The following ZNF804A variants were observed in gnomAD, a reference collection of about 807,000 sequenced individuals.
The protein encoded by ZNF804A is zinc finger protein 804A.
In ZNF804A, 2 loss-of-function variants were observed where a neutral mutation model predicts 16.5. The ratio of observed to expected loss-of-function variants is 0.12; its 90% CI spans 0.05 to 0.38. ZNF804A has a LOEUF of 0.38. Ranked by LOEUF, ZNF804A falls within the 10% of genes least tolerant of loss-of-function variation. The pLI, the probability that ZNF804A is intolerant of heterozygous loss-of-function variation, is 0.99. For synonymous variants in ZNF804A, 534 were observed against 489.6 expected (o/e 1.09, Z -1.20); for missense variants, 1,473 against 1,390.7 (o/e 1.06, Z -0.94).
intron 1 of ZNF804A, among the ~76,000 whole-genome samples, chr2:184,695,349 T>A (rs1234574760): frequency 6.6e-6 from 1 of 151,226 alleles, no homozygotes; most frequent in African/African-American, 2.4e-5. Context: ...TAGTCCCAGC[T>A]ACTCGGGAGG....
intron 1 of ZNF804A, among the ~76,000 whole-genome samples, chr2:184,715,284 G>C (rs757578734): frequency 6.6e-6 from 1 of 152,158 alleles, no homozygotes; most frequent in Non-Finnish European, 1.5e-5. Context: ...ATGAAGTTTA[G>C]TTAAAGTGCA....
At position 184,936,347 on chromosome 2, in the gene ZNF804A, G is replaced by A. The variant is rs1216850391; in HGVS notation, c.951G>A (p.Gln317=). ...CTTCATTTTGCAAGTTTCAACTTCA[G>A]TTATCTTCTGATGCAGATAATTGTC... ...LLPSFCKFQL[Q]LSSDADNCQN... is the part of the protein sequence containing the mutation. Residue 317 remains glutamine, a synonymous_variant, in exon 4 of 4, where the codon CAG becomes CAA. Transcript: ENST00000302277. 1.2e-6 allele frequency: 2 copies of A among 1,613,768 alleles called. No individual in the cohort carries two copies. Among genetic ancestry groups the A allele is most frequent in the African/African-American group, 2.7e-5 (2 of 74,914 alleles).
chr2:184,726,644 A>G (rs1400046944), intron 1 of ZNF804A, among the ~76,000 whole-genome samples: 1 of 151,674 alleles, frequency 6.6e-6, no homozygotes, highest in African/African-American at 2.4e-5. Flanking sequence ...AAAAACAGTC[A>G]AACTAGCCAG....
Position 184,936,120 on chromosome 2 carries a change from G to C in ZNF804A, c.724G>C (p.Val242Leu). The stretch of plus-strand genomic sequence containing the variant: ...CTCTGAATACAGTGATGATGCCTCA[G>C]TGGGAAAAGGATTTAGCAGAAAAAG... ...AFSEYSDDASVGKGFSRKSRF... is the reference protein window; with the variant it reads ...AFSEYSDDASLGKGFSRKSRF... The change falls in exon 4 of 4, where the codon GTG becomes CTG. Residue 242 changes from valine to leucine, a missense_variant. Physicochemically the swap from Val to Leu is conservative, Grantham distance 32. Coordinates refer to ENST00000302277, the MANE Select transcript of ZNF804A (RefSeq NM_194250.2). 4 of 1,614,066 alleles carry C rather than the reference G, an allele frequency of 2.5e-6. No homozygotes were observed. The highest frequency in any genetic ancestry group is 2.5e-6 in the Non-Finnish European group (3 of 1,179,962).
chr2:184,757,113 G>C (rs1178020469), intron 1 of ZNF804A, among the ~76,000 whole-genome samples: 2 of 151,934 alleles, frequency 1.3e-5, no homozygotes, highest in Non-Finnish European at 2.9e-5. Context: ...AACTCTTTCA[G>C]TTTCCAGAGC....
intron 1 of ZNF804A, among the ~76,000 whole-genome samples, chr2:184,806,406 T>C (rs967483753): frequency 6.6e-5 from 10 of 151,960 alleles, no homozygotes; most frequent in African/African-American, 2.4e-4. Flanking sequence ...TTAATTTGGA[T>C]ATAAACATTT....
intron 1 of ZNF804A, among the ~76,000 whole-genome samples, chr2:184,710,365 T>G (rs1693106369): frequency 6.6e-6 from 1 of 151,824 alleles, no homozygotes; most frequent in South Asian, 2.1e-4. Context: ...CATTCACTGT[T>G]GAATTGTTTG....
chr2:184,702,575 A>C (rs1015919992), intron 1 of ZNF804A, among the ~76,000 whole-genome samples: 11 of 152,088 alleles, frequency 7.2e-5, no homozygotes, highest in Non-Finnish European at 1.0e-4. Flanking sequence ...GAGTTCACTA[A>C]GCAAAATTTT....
Position 184,937,058 on chromosome 2 carries a change from G to A in ZNF804A, c.1662G>A (p.Lys554=). Residue 554 remains lysine (K), a synonymous_variant, in exon 4 of 4, where the codon AAG becomes AAA. Coordinates refer to ENST00000302277, the MANE Select transcript of ZNF804A (RefSeq NM_194250.2). The part of the protein sequence containing the change: ...TGQRYKNISC[K]IRETEKYNFT... ...AGAGGTATAAAAACATTTCCTGTAA[G>A]ATCAGAGAAACAGAAAAGTATAATT... is the stretch of plus-strand genomic sequence containing the variant. 1 of 1,604,300 alleles carries A rather than the reference G, an allele frequency of 6.2e-7. No individual in the cohort carries two copies.
intron 1 of ZNF804A, among the ~76,000 whole-genome samples, chr2:184,824,628 A>G (rs993007396): frequency 3.3e-5 from 5 of 152,098 alleles, no homozygotes; most frequent in African/African-American, 1.2e-4. Context: ...AAACTATCTC[A>G]TATTTGGTGG....
At chr2:184,606,549 A>G (rs1691148843) in intron 1 of ZNF804A, among the ~76,000 whole-genome samples, 1 of 152,152 alleles carries the variant, frequency 6.6e-6, no homozygotes, top group Non-Finnish European at 1.5e-5. Flanking sequence ...TCAAATTCTA[A>G]TGTAGGTATT....
At chr2:184,702,664 AT>A (rs1367524689) in intron 1 of ZNF804A, among the ~76,000 whole-genome samples, 2 of 152,086 alleles carry the variant, frequency 1.3e-5, no homozygotes, top group African/African-American at 2.4e-5. Context: ...AATAAATGTA[AT>A]GTCACTTTTC....
intron 1 of ZNF804A, among the ~76,000 whole-genome samples, chr2:184,717,561 A>G (rs1176018023): frequency 6.6e-6 from 1 of 152,208 alleles, no homozygotes; most frequent in Non-Finnish European, 1.5e-5. Context: ...CACAAGTAAG[A>G]TTCTCTTTTG....
At chr2:184,745,008 T>A (rs1428238535) in intron 1 of ZNF804A, among the ~76,000 whole-genome samples, 1 of 151,854 alleles carries the variant, frequency 6.6e-6, no homozygotes, top group Non-Finnish European at 1.5e-5. Flanking sequence ...AGGCAAGTTG[T>A]TCACATATCT....
intron 1 of ZNF804A, among the ~76,000 whole-genome samples, chr2:184,649,102 G>C: frequency 6.6e-6 from 1 of 152,012 alleles, no homozygotes; most frequent in East Asian, 1.9e-4. Context: ...AGATAGTAGA[G>C]TGAAAATAGA....
intron 2 of ZNF804A, among the ~76,000 whole-genome samples, chr2:184,870,500 T>A (rs1312415017): frequency 1.3e-5 from 2 of 151,992 alleles, no homozygotes; most frequent in African/African-American, 4.8e-5. Flanking sequence ...AAATCCAATA[T>A]TTTGATCTCA....
chr2:184,832,670 C>CT (rs1173393744), intron 1 of ZNF804A, among the ~76,000 whole-genome samples: 1 of 151,266 alleles, frequency 6.6e-6, no homozygotes, highest in Non-Finnish European at 1.5e-5. Flanking sequence ...TTTCCACTAT[C>CT]TTTTTCATCC....
rs114383418 is a variant in ZNF804A at position 184,822,155 on chromosome 2, A to T, written c.112-44214A>T. ...CTATTCACAATAGCAAAGATATGGA[A>T]TCATCCCAAATGCCCATCAATTGTA... On this transcript the variant is annotated intron_variant, in intron 1 of 3. Coordinates refer to ENST00000302277, the MANE Select transcript of ZNF804A (RefSeq NM_194250.2). Among the ~76,000 whole-genome samples the T allele has an allele frequency of 8.5e-3, 1,293 of 152,288 alleles. 7 individuals are homozygous for T. The highest frequency in any genetic ancestry group is 0.012 in the Non-Finnish European group (819 of 68,020).
chr2:184,938,489 G>A lies in ZNF804A; in HGVS notation c.3093G>A (p.Glu1031=), dbSNP rs756817537. The part of the protein sequence containing the change: ...EQILAPLALP[E]QALLIPLENH... ...TCCTGGCTCCATTAGCTTTACCAGA[G>A]CAAGCATTATTGATCCCACTAGAAA... Residue 1031 remains glutamate, a synonymous_variant, in exon 4 of 4, where the codon GAG becomes GAA. Coordinates refer to ENST00000302277, the MANE Select transcript of ZNF804A (RefSeq NM_194250.2). 2 of 1,614,028 alleles carry A rather than the reference G, an allele frequency of 1.2e-6. No individual in the cohort carries two copies. Among genetic ancestry groups the A allele is most frequent in the East Asian group, 2.2e-5 (1 of 44,844 alleles).
Sources: allele counts gnomAD v4.1 joint callset (sites outside exome capture counted in the v4.1 genomes callset), GRCh38; gene constraint gnomAD v4.1.1; transcripts MANE v1.5; gene names NCBI Gene and HGNC (gene_info 2026-07-23, HGNC 2026-07-21).